Variants in COL21A1 observed in about 807,000 individuals in gnomAD.
COL21A1 encodes collagen alpha-1(XXI) chain.
In COL21A1, 149 loss-of-function variants were observed where a neutral mutation model predicts 137.9. That is an observed-to-expected ratio of 1.08 (90% CI 0.95 to 1.24). The LOEUF (loss-of-function observed/expected upper bound fraction) is 1.24, where lower values mean the gene tolerates loss of function less well. Among genes scored for constraint, COL21A1 ranks in the 50% most tolerant of loss-of-function variants. The pLI, the probability that COL21A1 is intolerant of heterozygous loss-of-function variation, is 0.00. For missense variants in COL21A1, 1,167 were observed against 1,158.4 expected (o/e 1.01, Z -0.11); for synonymous variants, 456 against 391.5 (o/e 1.16, Z -1.95).
chr6:56,063,286 A>C (rs1765967134), intron 24 of COL21A1, among the ~76,000 whole-genome samples: 1 of 152,164 alleles, frequency 6.6e-6, no homozygotes, highest in Non-Finnish European at 1.5e-5. Flanking sequence ...TTCAAATTCT[A>C]AAGGAAATAT....
upstream of COL21A1, among the ~76,000 whole-genome samples, chr6:56,247,984 G>A (rs1387833326): frequency 6.6e-6 from 1 of 152,212 alleles, no homozygotes; most frequent in African/African-American, 2.4e-5. Flanking sequence ...GCGGACTGAT[G>A]TTCCTTGCTT....
At chr6:56,167,393 T>C (rs1776673079) in intron 6 of COL21A1, among the ~76,000 whole-genome samples, 1 of 152,250 alleles carries the variant, frequency 6.6e-6, no homozygotes, top group South Asian at 2.1e-4. Context: ...ATTTAGTTGC[T>C]GGCATGGAGT....
chr6:56,161,863 A>G (rs533594616), intron 9 of COL21A1, among the ~76,000 whole-genome samples: 1 of 152,322 alleles, frequency 6.6e-6, no homozygotes, highest in South Asian at 2.1e-4. Flanking sequence ...ACTATCTTAG[A>G]ATCAGCACTT....
chr6:56,330,275 A>G (rs1765188253), intron 1 of COL21A1, among the ~76,000 whole-genome samples: 1 of 152,096 alleles, frequency 6.6e-6, no homozygotes, highest in South Asian at 2.1e-4. Context: ...TAACTGCTAT[A>G]TTAGGAGGGT....
At chr6:56,224,799 A>C (rs1781085575) in intron 1 of COL21A1, among the ~76,000 whole-genome samples, 1 of 152,078 alleles carries the variant, frequency 6.6e-6, no homozygotes, top group African/African-American at 2.4e-5. Context: ...TTGGACAAAT[A>C]TGCTGAAATA....
At chr6:56,287,679 T>G (rs951538829) in intron 1 of COL21A1, among the ~76,000 whole-genome samples, 1 of 152,088 alleles carries the variant, frequency 6.6e-6, no homozygotes, top group Admixed American at 6.6e-5. Flanking sequence ...ATTCATAAGT[T>G]ACCCAGTCTC....
At chr6:56,335,049 T>A (rs1765307081) in intron 1 of COL21A1, among the ~76,000 whole-genome samples, 1 of 152,128 alleles carries the variant, frequency 6.6e-6, no homozygotes, top group South Asian at 2.1e-4. Flanking sequence ...AAAAGACAAC[T>A]TGCCAGTGTG....
intron 16 of COL21A1, among the ~76,000 whole-genome samples, chr6:56,107,077 G>A (rs551503483): frequency 2.6e-5 from 4 of 152,118 alleles, no homozygotes; most frequent in South Asian, 4.1e-4. Context: ...GTGAGCCACC[G>A]CGCCCGGCCA....
chr6:56,180,830 T>C (rs777069711), intron 2 of COL21A1, among the ~76,000 whole-genome samples: 82 of 152,324 alleles, frequency 5.4e-4, no homozygotes, highest in South Asian at 4.1e-4. Flanking sequence ...AAGACAAATA[T>C]AGCTGTTCTT....
At chr6:56,245,476 G>A (rs1309272034) in intron 1 of COL21A1, among the ~76,000 whole-genome samples, 1 of 152,174 alleles carries the variant, frequency 6.6e-6, no homozygotes, top group Admixed American at 6.5e-5. Context: ...ATCTAATCAT[G>A]TATCAACATA....
intron 1 of COL21A1, among the ~76,000 whole-genome samples, chr6:56,366,178 C>A (rs1042660464): frequency 3.3e-5 from 5 of 151,990 alleles, no homozygotes; most frequent in African/African-American, 1.2e-4. Context: ...ACACTGAAGC[C>A]ACAGCAGGAG....
intron 1 of COL21A1, among the ~76,000 whole-genome samples, chr6:56,386,657 G>A (rs1229968075): frequency 6.6e-6 from 1 of 151,872 alleles, no homozygotes; most frequent in East Asian, 1.9e-4. Context: ...TCTCGTTATG[G>A]CTTTGATTTG....
At chr6:56,108,671 G>T (rs750403819) in intron 16 of COL21A1, among the ~76,000 whole-genome samples, 8 of 151,812 alleles carry the variant, frequency 5.3e-5, no homozygotes, top group Admixed American at 2.0e-4. Context: ...ACCACTCTCT[G>T]TTCAAGACAG....
At position 56,345,292 on chromosome 6, in the gene COL21A1, G is replaced by A. The variant is rs182984340; in HGVS notation, c.-39+48679C>T. ...ATAAGGTGCATGACTGCTGGGGGGA[G>A]ATATTTGAGTAGGTGGCTTTTTGCA... On this transcript the variant is annotated intron_variant, in intron 1 of 28. Coordinates refer to the COL21A1 transcript ENST00000370819. 1.6e-3 allele frequency among the ~76,000 whole-genome samples: 243 copies of A among 152,272 alleles called. 1 individual carries two copies. The highest frequency in any genetic ancestry group is 5.7e-3 in the African/African-American group (235 of 41,558).
chr6:56,205,335 C>T lies in COL21A1; in HGVS notation c.-38-22679G>A, dbSNP rs1239181375. Among the ~76,000 whole-genome samples the T allele has an allele frequency of 2.6e-5, 4 of 151,942 alleles. No individual in the cohort carries two copies. In the East Asian group the frequency reaches 5.8e-4, roughly 22 times the overall value. ...AACACAGGACGAGAACTTCGTGAAG[C>T]ATAAACAAGTATCAATAGCCAAATC... On this transcript the variant is annotated intron_variant, in intron 1 of 29. Coordinates refer to ENST00000244728, the MANE Select transcript of COL21A1 (RefSeq NM_030820.4).
chr6:56,326,109 T>C (rs10948998), intron 1 of COL21A1, among the ~76,000 whole-genome samples: 126,239 of 127,990 alleles, frequency 0.99, 62,288 homozygotes, highest in Middle Eastern at 1. Flanking sequence ...AATTTTAACA[T>C]AAAACAAAAC....
At chr6:56,227,643 G>A (rs567545379) in intron 1 of COL21A1, among the ~76,000 whole-genome samples, 34 of 152,102 alleles carry the variant, frequency 2.2e-4, no homozygotes, top group Admixed American at 5.2e-4. Flanking sequence ...ACTACTATTT[G>A]TCTGTTTATC....
At chr6:56,392,879 TC>T (rs2094032451) in intron 1 of COL21A1, among the ~76,000 whole-genome samples, 1 of 152,138 alleles carries the variant, frequency 6.6e-6, no homozygotes, top group Non-Finnish European at 1.5e-5. Context: ...ATTCCCATGT[TC>T]ATAGAGAAGA....
chr6:56,253,079 T>G (rs1472368667), intron 1 of COL21A1, among the ~76,000 whole-genome samples: 2 of 152,212 alleles, frequency 1.3e-5, no homozygotes, highest in East Asian at 3.8e-4. Flanking sequence ...AAAAGTGATA[T>G]GTTCATTACA....
Sources: gnomAD v4.1 joint callset for allele counts (sites outside exome capture counted in the v4.1 genomes callset) on GRCh38, gnomAD v4.1.1 for gene constraint, MANE v1.5 for transcripts, NCBI Gene and HGNC (gene_info 2026-07-23, HGNC 2026-07-21) for gene names.